The following BIN2 variants were observed in gnomAD, a reference collection of about 807,000 sequenced individuals.
BIN2 encodes bridging integrator 2.
In BIN2, 43 loss-of-function variants were observed where a neutral mutation model predicts 67.9. That is an observed-to-expected ratio of 0.63 (90% CI 0.50 to 0.82). The LOEUF (loss-of-function observed/expected upper bound fraction) is 0.82. BIN2 is among the 40% of genes least tolerant of loss of function. BIN2 has a pLI of 0.00. For synonymous variants in BIN2, 244 were observed against 246.8 expected (o/e 0.99, Z 0.11); for missense variants, 581 against 671.6 (o/e 0.87, Z 1.49).
At chr12:51,301,388 C>A (rs548318979) in intron 5 of BIN2, among the ~76,000 whole-genome samples, 65 of 152,154 alleles carry the variant, frequency 4.3e-4, no homozygotes, top group Middle Eastern at 3.2e-3. Flanking sequence ...CTCCATGTTT[C>A]CTCTTCTATA....
At chr12:51,323,498 A>G (rs2137461383) in intron 1 of BIN2, among the ~76,000 whole-genome samples, 1 of 150,440 alleles carries the variant, frequency 6.6e-6, no homozygotes, top group East Asian at 1.9e-4. Context: ...ACGTCAGCTG[A>G]AACACCACCC....
chr12:51,291,331 G>A (rs1028905525), intron 10 of BIN2, among the ~76,000 whole-genome samples: 1 of 152,124 alleles, frequency 6.6e-6, no homozygotes, highest in Non-Finnish European at 1.5e-5. Flanking sequence ...TACCAGAGCC[G>A]GGTGCAGTGG....
At chr12:51,323,574 T>TG (rs960616753) in intron 1 of BIN2, among the ~76,000 whole-genome samples, 3 of 152,058 alleles carry the variant, frequency 2.0e-5, no homozygotes, top group Non-Finnish European at 4.4e-5. Flanking sequence ...TGGTGGGGGG[T>TG]GCCTGCTGGC....
chr12:51,300,667 C>A (rs188308313), intron 5 of BIN2, among the ~76,000 whole-genome samples: 2 of 152,124 alleles, frequency 1.3e-5, no homozygotes, highest in East Asian at 1.9e-4. Context: ...GTCTTTGAAC[C>A]GTTTCATTCT....
chr12:51,311,961 G>A (rs538777617), intron 2 of BIN2, among the ~76,000 whole-genome samples: 2 of 152,130 alleles, frequency 1.3e-5, no homozygotes, highest in African/African-American at 4.8e-5. Context: ...TAGTAGAGAT[G>A]GGGTTTTACC....
At chr12:51,309,986 CAG>C (rs1185218070) in intron 2 of BIN2, among the ~76,000 whole-genome samples, 9 of 152,156 alleles carry the variant, frequency 5.9e-5, no homozygotes, top group Non-Finnish European at 1.3e-4. Context: ...AGAAGAGGCC[CAG>C]AGAGGCCTCC....
intron 2 of BIN2, among the ~76,000 whole-genome samples, chr12:51,309,854 CT>C (rs1328563748): frequency 2.6e-5 from 4 of 152,142 alleles, no homozygotes; most frequent in African/African-American, 9.7e-5. Context: ...CACATCTGCT[CT>C]TAGAGAGAGG....
intron 2 of BIN2, among the ~76,000 whole-genome samples, chr12:51,313,220 A>AAGGAAGGAAGGCAGGCAGGC (rs1319737260): frequency 7.2e-6 from 1 of 138,130 alleles, no homozygotes; most frequent in African/African-American, 2.7e-5. Context: ...GGAAGGAAGG[A>AAGGAAGGAAGGCAGGCAGGC]AGGCAGGAAG....
At chr12:51,310,791 C>G (rs545264600) in intron 2 of BIN2, among the ~76,000 whole-genome samples, 1 of 152,050 alleles carries the variant, frequency 6.6e-6, no homozygotes, top group African/African-American at 2.4e-5. Context: ...GATAGGGTCT[C>G]ACTTTGTCAC....
chr12:51,323,941 C>T, intron 1 of BIN2, 81 bp downstream of exon 1: 1 of 1,560,214 alleles, frequency 6.4e-7, no homozygotes, highest in Non-Finnish European at 8.7e-7. Flanking sequence ...GAGCACCCTG[C>T]CCGCCCCTCC....
chr12:51,306,519 C>T (rs146898443), intron 2 of BIN2, among the ~76,000 whole-genome samples: 58 of 152,198 alleles, frequency 3.8e-4, no homozygotes, highest in Admixed American at 1.4e-3. Flanking sequence ...CCCAACTACT[C>T]GGGAGGCTGA....
upstream of BIN2, chr12:51,324,612 G>A (rs1230213092): frequency 5.9e-6 from 8 of 1,348,406 alleles, no homozygotes; most frequent in Admixed American, 2.3e-4. Flanking sequence ...GAACTGGTAG[G>A]GATAGAGTGC....
intron 12 of BIN2, among the ~76,000 whole-genome samples, chr12:51,283,510 G>C (rs1167959118): frequency 1.3e-5 from 2 of 151,980 alleles, no homozygotes; most frequent in East Asian, 3.9e-4. Context: ...ACGGTGTCTA[G>C]CTATGTTGCC....
intron 8 of BIN2, among the ~76,000 whole-genome samples, chr12:51,296,140 A>T (rs1260650917): frequency 6.6e-6 from 1 of 151,966 alleles, no homozygotes; most frequent in African/African-American, 2.4e-5. Flanking sequence ...CTGATGTCTG[A>T]TTTGAGGTTC....
intron 3 of BIN2, 29 bp downstream of exon 3, chr12:51,303,058 T>C: frequency 1.2e-6 from 2 of 1,611,092 alleles, no homozygotes; most frequent in Non-Finnish European, 1.7e-6. Flanking sequence ...ATAAATGCCC[T>C]CTGGATTCTC....
rs529147197 is a variant in BIN2 at position 51,311,842 on chromosome 12, G to A, written c.162+1981C>T. Among the ~76,000 whole-genome samples, 166 of 151,946 alleles carry A rather than the reference G, an allele frequency of 1.1e-3. 1 individual carries two copies. The highest frequency in any genetic ancestry group is 2.2e-3 in the Non-Finnish European group (148 of 67,994). ...GCTGGAGTGCAGTGGTGCGATCTTG[G>A]CTCACTGCAACTTCCGCCTCCCAGG... On this transcript the variant is annotated intron_variant, in intron 2 of 12. Transcript: ENST00000615107.
intron 2 of BIN2, among the ~76,000 whole-genome samples, chr12:51,306,456 G>A (rs190889979): frequency 1.2e-4 from 19 of 152,220 alleles, no homozygotes; most frequent in Middle Eastern, 6.8e-3. Flanking sequence ...GTGAAAGTCC[G>A]TCTCCACTAA....
intron 2 of BIN2, among the ~76,000 whole-genome samples, chr12:51,306,564 C>T (rs1045536197): frequency 1.3e-5 from 2 of 152,162 alleles, no homozygotes; most frequent in African/African-American, 2.4e-5. Flanking sequence ...AAGGTGGAGG[C>T]TGCAGTGAGC....
chr12:51,310,038 T>C (rs181638938), intron 2 of BIN2, among the ~76,000 whole-genome samples: 43 of 152,322 alleles, frequency 2.8e-4, no homozygotes, highest in Admixed American at 1.6e-3. Flanking sequence ...TAAGTCTAAA[T>C]CCTGGCCCTG....
Sources: gnomAD v4.1 joint callset for allele counts (sites outside exome capture counted in the v4.1 genomes callset) on GRCh38, gnomAD v4.1.1 for gene constraint, MANE v1.5 for transcripts, NCBI Gene and HGNC (gene_info 2026-07-23, HGNC 2026-07-21) for gene names.